LRP8: variants seen among roughly 807,000 people sequenced by gnomAD.
LRP8 encodes low-density lipoprotein receptor-related protein 8.
Under a neutral mutation model 111.6 loss-of-function variants are expected in LRP8, and 46 were observed. The observed-to-expected ratio is 0.41, with a 90% CI of 0.33 to 0.53. The LOEUF (loss-of-function observed/expected upper bound fraction) is 0.53, where lower values mean the gene tolerates loss of function less well. Among genes scored for constraint, LRP8 ranks in the 20% least tolerant of loss-of-function variants. The pLI is 0.20. For synonymous variants in LRP8, 464 were observed against 511.2 expected (o/e 0.91, Z 1.24); for missense variants, 959 against 1,297.4 (o/e 0.74, Z 4.01).
At chr1:53,320,189 A>G (rs913040989) in intron 2 of LRP8, among the ~76,000 whole-genome samples, 2 of 152,250 alleles carry the variant, frequency 1.3e-5, no homozygotes, top group African/African-American at 4.8e-5. Flanking sequence ...TTGGCAATCC[A>G]GAAGTGGGCA....
At chr1:53,273,261 A>G (rs1190289405) in intron 6 of LRP8, among the ~76,000 whole-genome samples, 1 of 152,166 alleles carries the variant, frequency 6.6e-6, no homozygotes, top group African/African-American at 2.4e-5. Context: ...GGAAGGAAGA[A>G]GTGGTGTCAC....
At chr1:53,306,374 G>A (rs1025470120) in intron 2 of LRP8, among the ~76,000 whole-genome samples, 2 of 152,226 alleles carry the variant, frequency 1.3e-5, no homozygotes, top group African/African-American at 4.8e-5. Flanking sequence ...TAGCTGGGTG[G>A]CACTCCCACA....
chr1:53,264,087 C>T, intron 10 of LRP8, 82 bp downstream of exon 10: 2 of 1,350,316 alleles, frequency 1.5e-6, no homozygotes, highest in Non-Finnish European at 2.1e-6. Context: ...CTTTCTAGAA[C>T]CCTCAAGATA....
rs11809943 is a variant in LRP8 at position 53,309,553 on chromosome 1, T to C, written c.244+17320A>G. On this transcript the variant is annotated intron_variant, in intron 2 of 18. Coordinates refer to ENST00000306052, the MANE Select transcript of LRP8 (RefSeq NM_004631.5). ...ACTACAGTCACTGGCAGGAGCCCCT[T>C]GAAGGATCCAGAGAGCCACGGTGAG... Among the ~76,000 whole-genome samples the C allele has an allele frequency of 9.0e-3, 1,366 of 152,162 alleles. 22 individuals are homozygous for C. The highest frequency in any genetic ancestry group is 0.032 in the African/African-American group (1,315 of 41,518).
chr1:53,247,186 A>G, intron 18 of LRP8, 130 bp from the exon 19 acceptor site: 1 of 643,070 alleles, frequency 1.6e-6, no homozygotes, highest in Middle Eastern at 2.7e-4. Context: ...ATCCTAAGAG[A>G]CAGGATTTAT....
intron 18 of LRP8, among the ~76,000 whole-genome samples, chr1:53,247,352 G>C (rs1248519050): frequency 6.6e-6 from 1 of 152,176 alleles, no homozygotes; most frequent in African/African-American, 2.4e-5. Flanking sequence ...TCTTTGTAAA[G>C]AAGAGTTGCA....
chr1:53,287,862 A>AG (rs557174505), intron 3 of LRP8, among the ~76,000 whole-genome samples: 78 of 142,126 alleles, frequency 5.5e-4, no homozygotes, highest in Admixed American at 3.0e-3. Flanking sequence ...GGTGAGAGGG[A>AG]GGGTGAGGAT....
At chr1:53,298,418 G>A (rs1312750741) in intron 2 of LRP8, among the ~76,000 whole-genome samples, 1 of 152,168 alleles carries the variant, frequency 6.6e-6, no homozygotes, top group East Asian at 1.9e-4. Context: ...GCTGGCGCCT[G>A]CAAAGGGACC....
chr1:53,327,839 TGCAGCA>T lies in LRP8; in HGVS notation c.68_73del (p.Leu23_Leu24del), dbSNP rs764027862. 25 of 1,486,460 alleles carry T rather than the reference TGCAGCA, an allele frequency of 1.7e-5. No individual in the cohort carries two copies. The highest frequency in any genetic ancestry group is 4.1e-5 in the Admixed American group (2 of 48,524). 92.1% of individuals were successfully genotyped at this position (1,486,460 alleles called of 1,614,324 possible). On this transcript the variant is annotated inframe_deletion, in exon 1 of 19. Transcript: ENST00000306052. ...CGCTGCCGCCGCAAGATGCTGGAGCTGCAGCAGCAGCAGCAGCAGCAGCAGCAGCAG... is the reference window on the plus strand; with the variant it reads ...CGCTGCCGCCGCAAGATGCTGGAGCTGCAGCAGCAGCAGCAGCAGCAGCAG...
intron 4 of LRP8, 129 bp from the exon 5 acceptor site, chr1:53,277,207 G>A: frequency 3.9e-6 from 5 of 1,284,904 alleles, no homozygotes; most frequent in Non-Finnish European, 5.0e-6. Context: ...GGGGCTGAAT[G>A]GTGGACGTGC....
intron 2 of LRP8, among the ~76,000 whole-genome samples, chr1:53,295,511 G>C (rs1340360077): frequency 6.6e-6 from 1 of 152,090 alleles, no homozygotes; most frequent in Non-Finnish European, 1.5e-5. Flanking sequence ...CTGCTCTCCA[G>C]CAGCCAAAAA....
chr1:53,242,444 A>C lies in LRP8; in HGVS notation c.*4574T>G, dbSNP rs1028701901. On this transcript the variant is annotated 3_prime_UTR_variant, in exon 19 of 19. Coordinates refer to ENST00000306052, the MANE Select transcript of LRP8 (RefSeq NM_004631.5). ...GTCCACATTTGGTTTTCAGTTTACC[A>C]AGATGATGCCAGTATAGCTAGTGAG... is the stretch of plus-strand genomic sequence containing the variant. 6.6e-6 allele frequency: 1 copy of C among 152,218 alleles called. No individual in the cohort carries two copies. Among genetic ancestry groups the C allele is most frequent in the Non-Finnish European group, 1.5e-5 (1 of 68,038 alleles). 9.4% of individuals were successfully genotyped at this position (152,218 alleles called of 1,614,324 possible).
At chr1:53,316,044 T>C (rs993526862) in intron 2 of LRP8, among the ~76,000 whole-genome samples, 1 of 152,176 alleles carries the variant, frequency 6.6e-6, no homozygotes, top group African/African-American at 2.4e-5. Context: ...TTGGTCCAAT[T>C]CAGTGGTGTA....
At position 53,294,497 on chromosome 1, in the gene LRP8, C is replaced by T. The variant is rs1041268924; in HGVS notation, c.245-4808G>A. 2.0e-5 allele frequency among the ~76,000 whole-genome samples: 3 copies of T among 152,216 alleles called. No individual in the cohort carries two copies. The highest frequency in any genetic ancestry group is 7.2e-5 in the African/African-American group (3 of 41,452). ...CACAAGTTACAGGACTCCTGTGAGC[C>T]GCACTTTCTTCGTCTGCTTCACGGG... On this transcript the variant is annotated intron_variant, in intron 2 of 18. Coordinates refer to ENST00000306052, the MANE Select transcript of LRP8 (RefSeq NM_004631.5). The surrounding 1 kb of genome is among the most constrained non-coding windows in gnomAD (Gnocchi z 4.1).
chr1:53,320,735 G>T (rs949715705), intron 2 of LRP8, among the ~76,000 whole-genome samples: 6 of 152,188 alleles, frequency 3.9e-5, no homozygotes, highest in Non-Finnish European at 8.8e-5. Flanking sequence ...TCCCTCCCCA[G>T]TCCCACTCCC....
At position 53,250,506 on chromosome 1, in the gene LRP8, G is replaced by C. The variant is rs1364397325; in HGVS notation, c.2676+184C>G. 1.3e-5 allele frequency among the ~76,000 whole-genome samples: 2 copies of C among 149,394 alleles called. No homozygotes were observed. Among genetic ancestry groups the C allele is most frequent in the Admixed American group, 1.3e-4 (2 of 15,012 alleles). On this transcript the variant is annotated intron_variant, in intron 17 of 18. Coordinates refer to ENST00000306052, the MANE Select transcript of LRP8 (RefSeq NM_004631.5). The surrounding 1 kb of genome is among the most constrained non-coding windows in gnomAD (Gnocchi z 4.6). ...GGAGGAAGGGAAGGAGGGAGGAAAG[G>C]AAGGAAAGAAGGAAAGAAAAAAGAC... is the stretch of plus-strand genomic sequence containing the variant.
At chr1:53,271,389 G>C in intron 6 of LRP8, 43 bp from the exon 7 acceptor site, 1 of 1,612,716 alleles carries the variant, frequency 6.2e-7, no homozygotes, top group South Asian at 1.1e-5. Flanking sequence ...GAGCCCAGGA[G>C]GAGTGGGGGC....
chr1:53,303,433 G>A lies in LRP8; in HGVS notation c.245-13744C>T, dbSNP rs1412365733. On this transcript the variant is annotated intron_variant, in intron 2 of 18. Coordinates refer to ENST00000306052, the MANE Select transcript of LRP8 (RefSeq NM_004631.5). This position sits in a 1 kb window ranked among gnomAD's most constrained non-coding sequence, Gnocchi z 4.3. The stretch of plus-strand genomic sequence containing the variant: ...TGAGAAAAGGGGCCACAGCAGCCTC[G>A]CGCTCCCATGGCAACCTCAGCAAAG... Among the ~76,000 whole-genome samples, 2 of 152,170 alleles carry A rather than the reference G, an allele frequency of 1.3e-5. No individual in the cohort carries two copies. Among genetic ancestry groups the A allele is most frequent in the African/African-American group, 2.4e-5 (1 of 41,438 alleles).
intron 2 of LRP8, among the ~76,000 whole-genome samples, chr1:53,320,314 G>A (rs1027063962): frequency 2.0e-5 from 3 of 152,188 alleles, no homozygotes; most frequent in Admixed American, 6.5e-5. Context: ...CCCTGTTCCC[G>A]GATCCAGCAG....
Sources: allele counts gnomAD v4.1 joint callset (sites outside exome capture counted in the v4.1 genomes callset), GRCh38; gene constraint gnomAD v4.1.1; non-coding constraint Gnocchi (gnomAD v3.1); transcripts MANE v1.5; gene names NCBI Gene and HGNC (gene_info 2026-07-23, HGNC 2026-07-21).